The following EFL1 variants were observed in gnomAD, a reference collection of about 807,000 sequenced individuals.
EFL1 encodes elongation factor like GTPase 1.
In EFL1, 76 loss-of-function variants were observed where a neutral mutation model predicts 126.7. That is an observed-to-expected ratio of 0.60 (90% CI 0.50 to 0.73). The LOEUF is 0.73. EFL1 is among the 30% of genes least tolerant of loss of function. EFL1 has a pLI of 0.00. For missense variants in EFL1, 1,128 were observed against 1,343.2 expected (o/e 0.84, Z 2.50); for synonymous variants, 410 against 448.4 (o/e 0.91, Z 1.08).
At chr15:82,246,039 G>A (rs1222664658) in intron 4 of EFL1, among the ~76,000 whole-genome samples, 6 of 151,712 alleles carry the variant, frequency 4.0e-5, no homozygotes, top group Non-Finnish European at 5.9e-5. Context: ...GCACAAACCC[G>A]ACCCGAAGAC....
chr15:82,247,127 A>T (rs1269780637), intron 4 of EFL1, among the ~76,000 whole-genome samples: 16 of 152,140 alleles, frequency 1.1e-4, no homozygotes, highest in Non-Finnish European at 1.5e-5. Context: ...GTGGGGAGTC[A>T]AAAAAACTAG....
At chr15:82,199,469 C>T (rs775188697) in intron 15 of EFL1, among the ~76,000 whole-genome samples, 7 of 152,194 alleles carry the variant, frequency 4.6e-5, no homozygotes, top group Non-Finnish European at 8.8e-5. Flanking sequence ...GCTAGGACTG[C>T]GGCCCGCAAA....
At chr15:82,242,036 T>C (rs1393578771) in intron 4 of EFL1, among the ~76,000 whole-genome samples, 1 of 152,194 alleles carries the variant, frequency 6.6e-6, no homozygotes, top group African/African-American at 2.4e-5. Context: ...CTGAGTTGTC[T>C]GGTTTTAGCA....
chr15:82,228,924 G>T, intron 9 of EFL1, 110 bp downstream of exon 9: 1 of 914,564 alleles, frequency 1.1e-6, no homozygotes, highest in Non-Finnish European at 1.6e-6. Context: ...TAGAAGCTCT[G>T]TTCATTTTCT....
chr15:82,202,785 TC>T (rs2074483711), intron 15 of EFL1, among the ~76,000 whole-genome samples: 1 of 151,808 alleles, frequency 6.6e-6, no homozygotes, highest in Non-Finnish European at 1.5e-5. Context: ...ACCAGCAAAC[TC>T]AAGGAAAGAT....
intron 2 of EFL1, among the ~76,000 whole-genome samples, chr15:82,260,323 T>C (rs1053185729): frequency 6.6e-6 from 1 of 152,192 alleles, no homozygotes; most frequent in African/African-American, 2.4e-5. Context: ...GGTTACTCAC[T>C]GGATTTGTAC....
intron 18 of EFL1, among the ~76,000 whole-genome samples, chr15:82,141,938 T>A (rs747042608): frequency 1.3e-5 from 2 of 152,172 alleles, no homozygotes; most frequent in Non-Finnish European, 2.9e-5. Context: ...CCATGAAAAC[T>A]ATATGTTGAT....
In EFL1 at chr15:82,262,678, A is replaced by C. The variant is rs1033796540; in HGVS notation, c.-84T>G. On this transcript the variant is annotated 5_prime_UTR_variant, in exon 1 of 20. Coordinates refer to ENST00000268206, the MANE Select transcript of EFL1 (RefSeq NM_024580.6). ...GTCGCACCCACACCGAGAGCTTCCG[A>C]AAGTCCGAGAGCTCTGCGGGTCCGA... 1 of 558,402 alleles carries C rather than the reference A, an allele frequency of 1.8e-6. No individual in the cohort carries two copies. Among genetic ancestry groups the C allele is most frequent in the Admixed American group, 3.6e-5 (1 of 28,062 alleles). 34.6% of individuals were successfully genotyped at this position (558,402 alleles called of 1,614,324 possible).
Position 82,220,060 on chromosome 15 carries a change from T to G in EFL1, c.1444+18A>C, listed in dbSNP as rs1458226738. The G allele has an allele frequency of 1.3e-6, 2 of 1,582,780 alleles. No homozygotes were observed. The highest frequency in any genetic ancestry group is 1.2e-5 in the South Asian group (1 of 85,246). ...AAGGCAAATACTTTGCAACAGAGCC[T>G]ACTTAGGAAAGCTATACCTCTTGGC... On this transcript the variant is annotated intron_variant, in intron 13 of 19. Transcript: ENST00000268206.
At chr15:82,175,413 A>T (rs917091911) in intron 15 of EFL1, among the ~76,000 whole-genome samples, 2 of 152,220 alleles carry the variant, frequency 1.3e-5, no homozygotes, top group Non-Finnish European at 2.9e-5. Context: ...CAAGAACAGA[A>T]GCAGTTCTGT....
At chr15:82,217,397 G>GAAAAAAAAAAAAAAAAAAAAAAAAAA (rs1595989151) in intron 14 of EFL1, among the ~76,000 whole-genome samples, 1 of 40,772 alleles carries the variant, frequency 2.5e-5, no homozygotes. Flanking sequence ...AAAAAAAAAC[G>GAAAAAAAAAAAAAAAAAAAAAAAAAA]AAAACAGCAA....
At chr15:82,184,925 G>A (rs768801637) in intron 15 of EFL1, among the ~76,000 whole-genome samples, 1 of 152,226 alleles carries the variant, frequency 6.6e-6, no homozygotes, top group Admixed American at 6.5e-5. Flanking sequence ...ACTTAGAGTA[G>A]TGTGAATAGT....
rs531668848 is a variant in EFL1 at position 82,203,609 on chromosome 15, G to A, written c.1750+11108C>T. Reference sequence around the variant, plus strand: ...AGGCTGGTCTTGAACTCCCAACCTCGTGATCCACTCACTCCCCCTTGGCCT... The same window carrying A: ...AGGCTGGTCTTGAACTCCCAACCTCATGATCCACTCACTCCCCCTTGGCCT... On this transcript the variant is annotated intron_variant, in intron 15 of 19. Transcript: ENST00000268206. Among the ~76,000 whole-genome samples, 254 of 152,132 alleles carry A rather than the reference G, an allele frequency of 1.7e-3. 1 individual carries two copies. The highest frequency in any genetic ancestry group is 6.0e-3 in the African/African-American group (249 of 41,518).
intron 15 of EFL1, among the ~76,000 whole-genome samples, chr15:82,194,289 A>G (rs1319170317): frequency 6.6e-6 from 1 of 152,174 alleles, no homozygotes; most frequent in Non-Finnish European, 1.5e-5. Flanking sequence ...GATTCATTCC[A>G]TAAATATTTC....
At chr15:82,225,342 T>A in intron 11 of EFL1, 78 bp from the exon 12 acceptor site, 1 of 1,143,648 alleles carries the variant, frequency 8.7e-7, no homozygotes, top group South Asian at 1.8e-5. Flanking sequence ...GGAAAACAAT[T>A]AAAATGTTTA....
At chr15:82,219,430 G>A (rs1253936601) in intron 14 of EFL1, among the ~76,000 whole-genome samples, 2 of 152,234 alleles carry the variant, frequency 1.3e-5, no homozygotes, top group South Asian at 2.1e-4. Flanking sequence ...ATTAAACAAG[G>A]CCTGAAAATT....
At chr15:82,200,037 G>A (rs535735163) in intron 15 of EFL1, among the ~76,000 whole-genome samples, 2 of 152,332 alleles carry the variant, frequency 1.3e-5, no homozygotes, top group East Asian at 3.9e-4. Flanking sequence ...AACTACAGTT[G>A]TATGGGAAAC....
chr15:82,262,044 C>G (rs543650244), intron 1 of EFL1: 11 of 366,288 alleles, frequency 3.0e-5, no homozygotes, highest in Non-Finnish European at 4.9e-5. Context: ...CGATGAATCA[C>G]GCAGCTCGAG....
At chr15:82,224,943 A>G (rs963397754) in intron 12 of EFL1, among the ~76,000 whole-genome samples, 37 of 152,222 alleles carry the variant, frequency 2.4e-4, no homozygotes, top group African/African-American at 8.4e-4. Context: ...CATCACTTCA[A>G]TTCAATATTC....
Sources: allele counts gnomAD v4.1 joint callset (sites outside exome capture counted in the v4.1 genomes callset), GRCh38; gene constraint gnomAD v4.1.1; transcripts MANE v1.5; gene names NCBI Gene and HGNC (gene_info 2026-07-23, HGNC 2026-07-21).